The following COL23A1 variants were observed in gnomAD, a reference collection of about 807,000 sequenced individuals.
The protein encoded by COL23A1 is collagen type XXIII alpha 1 chain, also known as collagen alpha-1(XXIII) chain.
Under a neutral mutation model 99.3 loss-of-function variants are expected in COL23A1, and 97 were observed. The observed-to-expected ratio is 0.98, with a 90% CI of 0.83 to 1.16. The LOEUF is 1.16. Ranked by LOEUF, COL23A1 falls within the 50% of genes most tolerant of loss-of-function variation. COL23A1 has a pLI of 0.00. For synonymous variants in COL23A1, 320 were observed against 308.2 expected (o/e 1.04, Z -0.40); for missense variants, 762 against 757.4 (o/e 1.01, Z -0.07).
chr5:178,555,390 T>A lies in COL23A1; in HGVS notation c.361+5292A>T, dbSNP rs138938485. 4.6e-5 allele frequency among the ~76,000 whole-genome samples: 7 copies of A among 152,238 alleles called. No individual in the cohort carries two copies. The East Asian group carries it at 1.4e-3, about 30-fold the overall frequency. ...AGAACAGTGCTGTATCTGCTGGGGT[T>A]GCTGAGCACATGTGATATACACCTA... On this transcript the variant is annotated intron_variant, in intron 2 of 28. Coordinates refer to ENST00000390654, the MANE Select transcript of COL23A1 (RefSeq NM_173465.4).
intron 2 of COL23A1, among the ~76,000 whole-genome samples, chr5:178,497,598 A>G (rs1476677177): frequency 1.3e-5 from 2 of 152,236 alleles, no homozygotes; most frequent in African/African-American, 4.8e-5. Flanking sequence ...CAGAACAGCT[A>G]CACATAAAAT....
chr5:178,587,057 C>T (rs1419141781), intron 1 of COL23A1, among the ~76,000 whole-genome samples: 1 of 152,148 alleles, frequency 6.6e-6, no homozygotes, highest in East Asian at 1.9e-4. Context: ...TTAATCCTTG[C>T]ATTACATTTT....
chr5:178,429,138 C>T lies in COL23A1; in HGVS notation c.362-122219G>A, dbSNP rs553248536. Among the ~76,000 whole-genome samples, 20 of 152,302 alleles carry T rather than the reference C, an allele frequency of 1.3e-4. 1 individual carries two copies. Among genetic ancestry groups the T allele is most frequent in the African/African-American group, 4.8e-4 (20 of 41,572 alleles). ...GCACCAGGGCATTTCAGCGCCTTTA[C>T]AGCTCCTCACAGCCTGGGGAGGTGG... On this transcript the variant is annotated intron_variant, in intron 2 of 28. Coordinates refer to ENST00000390654, the MANE Select transcript of COL23A1 (RefSeq NM_173465.4).
At chr5:178,572,043 G>C (rs1382098388) in intron 1 of COL23A1, among the ~76,000 whole-genome samples, 1 of 140,836 alleles carries the variant, frequency 7.1e-6, no homozygotes, top group Non-Finnish European at 1.5e-5. Context: ...ACTCCAGCCT[G>C]GGTGACAGAG....
intron 3 of COL23A1, among the ~76,000 whole-genome samples, chr5:178,294,880 G>A (rs1450851444): frequency 2.0e-5 from 3 of 152,186 alleles, no homozygotes; most frequent in Non-Finnish European, 4.4e-5. Flanking sequence ...GGTGGCTCAC[G>A]CCTATAATCC....
rs1244896100 is a variant in COL23A1 at position 178,544,402 on chromosome 5, C to T, written c.361+16280G>A. ...GGCGCAGGGCCGGGGAGCTGGGAGG[C>T]ACCACTTTGCCCTCCTGAAAATTAA... On this transcript the variant is annotated intron_variant, in intron 2 of 28. Coordinates refer to ENST00000390654, the MANE Select transcript of COL23A1 (RefSeq NM_173465.4). The surrounding 1 kb of genome is among the most constrained non-coding windows in gnomAD (Gnocchi z 4.4). Among the ~76,000 whole-genome samples, 1 of 152,226 alleles carries T rather than the reference C, an allele frequency of 6.6e-6. No homozygotes were observed. Among genetic ancestry groups the T allele is most frequent in the Non-Finnish European group, 1.5e-5 (1 of 68,036 alleles).
At chr5:178,262,437 T>C (rs1031861343) in intron 9 of COL23A1, among the ~76,000 whole-genome samples, 185 bp from the exon 10 acceptor site, 3 of 152,188 alleles carry the variant, frequency 2.0e-5, no homozygotes, top group Non-Finnish European at 4.4e-5. Context: ...GGGAAGCCAC[T>C]GGCCCGGTGT....
intron 2 of COL23A1, among the ~76,000 whole-genome samples, chr5:178,465,175 G>A (rs1039289284): frequency 3.9e-5 from 6 of 152,164 alleles, no homozygotes; most frequent in Non-Finnish European, 7.4e-5. Flanking sequence ...CTTGCACAGC[G>A]TGTACACGGA....
intron 2 of COL23A1, among the ~76,000 whole-genome samples, chr5:178,436,582 G>A (rs1425574095): frequency 6.6e-6 from 1 of 152,218 alleles, no homozygotes; most frequent in Non-Finnish European, 1.5e-5. Flanking sequence ...CCCTAGGGCT[G>A]ACTCGGAACA....
chr5:178,363,762 T>C (rs1762305501), intron 2 of COL23A1, among the ~76,000 whole-genome samples: 1 of 152,284 alleles, frequency 6.6e-6, no homozygotes, highest in Admixed American at 6.5e-5. Flanking sequence ...CCCGAATCCA[T>C]CCCTCTGGAA....
At chr5:178,381,407 A>G (rs1391982224) in intron 2 of COL23A1, among the ~76,000 whole-genome samples, 1 of 152,212 alleles carries the variant, frequency 6.6e-6, no homozygotes, top group Non-Finnish European at 1.5e-5. Context: ...TCAGAGCAGA[A>G]GGTGTGTCCA....
At chr5:178,403,263 T>A (rs936944748) in intron 2 of COL23A1, among the ~76,000 whole-genome samples, 6 of 152,166 alleles carry the variant, frequency 3.9e-5, no homozygotes, top group Non-Finnish European at 7.3e-5. Context: ...CCCAATTTAC[T>A]GAGGACAAGA....
chr5:178,576,491 C>T (rs1763366523), intron 1 of COL23A1, among the ~76,000 whole-genome samples: 1 of 152,226 alleles, frequency 6.6e-6, no homozygotes, highest in Admixed American at 6.5e-5. Flanking sequence ...CCTCGGCCTC[C>T]CAAAGTGCTG....
At chr5:178,335,879 T>A (rs1194278593) in intron 2 of COL23A1, among the ~76,000 whole-genome samples, 1 of 152,258 alleles carries the variant, frequency 6.6e-6, no homozygotes, top group Non-Finnish European at 1.5e-5. Flanking sequence ...ATATTTGAGC[T>A]ACAATTGATC....
At chr5:178,324,764 A>C (rs749424) in intron 2 of COL23A1, among the ~76,000 whole-genome samples, 28,796 of 152,142 alleles carry the variant, frequency 0.19, 3,609 homozygotes, top group East Asian at 0.56. Context: ...AATGGGTCGA[A>C]TGGCCAGAAC....
intron 2 of COL23A1, among the ~76,000 whole-genome samples, chr5:178,491,014 C>T (rs1016874074): frequency 1.3e-5 from 2 of 150,200 alleles, no homozygotes; most frequent in East Asian, 2.0e-4. Flanking sequence ...TGGGGAGAGA[C>T]AGCGAGAGAC....
intron 2 of COL23A1, among the ~76,000 whole-genome samples, chr5:178,452,144 T>C (rs927621216): frequency 6.6e-6 from 1 of 152,140 alleles, no homozygotes; most frequent in South Asian, 2.1e-4. Flanking sequence ...AAGGGTGACA[T>C]TGACACATGA....
At position 178,268,766 on chromosome 5, in the gene COL23A1, G is replaced by T; in HGVS notation, c.469-10C>A. ...TCGGGCCTGGAAGTCCCTGGAAAAGGAAAGTGGAGAAAGAACAGACCTGAG... is the reference window on the plus strand; with the variant it reads ...TCGGGCCTGGAAGTCCCTGGAAAAGTAAAGTGGAGAAAGAACAGACCTGAG... On this transcript the variant is annotated splice_polypyrimidine_tract_variant and intron_variant, in intron 6 of 28. Coordinates refer to ENST00000390654, the MANE Select transcript of COL23A1 (RefSeq NM_173465.4). 6.2e-7 allele frequency: 1 copy of T among 1,603,130 alleles called. No homozygotes were observed.
At chr5:178,424,533 C>A (rs1362708784) in intron 2 of COL23A1, among the ~76,000 whole-genome samples, 1 of 152,336 alleles carries the variant, frequency 6.6e-6, no homozygotes, top group East Asian at 1.9e-4. Context: ...TTCTCTGGAG[C>A]TGAACAAAGA....
Sources: gnomAD v4.1 joint callset for allele counts (sites outside exome capture counted in the v4.1 genomes callset) on GRCh38, gnomAD v4.1.1 for gene constraint, Gnocchi (gnomAD v3.1) non-coding constraint, MANE v1.5 for transcripts, NCBI Gene and HGNC (gene_info 2026-07-23, HGNC 2026-07-21) for gene names.